RNASEL: variants seen among roughly 807,000 people sequenced by gnomAD.
RNASEL encodes 2-5A-dependent ribonuclease.
In RNASEL, 36 loss-of-function variants were observed where a neutral mutation model predicts 50.9. That is an observed-to-expected ratio of 0.71 (90% CI 0.54 to 0.93). The LOEUF (loss-of-function observed/expected upper bound fraction) is 0.93. Among genes scored for constraint, RNASEL ranks in the 40% least tolerant of loss-of-function variants. RNASEL has a pLI of 0.00. For missense variants in RNASEL, 860 were observed against 894.5 expected (o/e 0.96, Z 0.49); for synonymous variants, 335 against 335.6 (o/e 1.00, Z 0.02).
At chr1:182,575,629 C>T (rs770180598) in intron 6 of RNASEL, 51 bp from the exon 7 acceptor site, 2 of 1,605,616 alleles carry the variant, frequency 1.2e-6, no homozygotes, top group Admixed American at 1.7e-5. Flanking sequence ...TTATTCTTCC[C>T]CGCTTCACAG....
In RNASEL at chr1:182,583,984, A is replaced by T. The variant is rs1443331619; in HGVS notation, c.1566+97T>A. On this transcript the variant is annotated intron_variant, in intron 3 of 6. Transcript: ENST00000367559. Reference sequence around the variant, plus strand: ...AATAAACTCCCTTTCATATATACATATGTCCTACTAGTTCTGTCCCTCTAG... The same window carrying T: ...AATAAACTCCCTTTCATATATACATTTGTCCTACTAGTTCTGTCCCTCTAG... 2.9e-5 allele frequency: 25 copies of T among 861,744 alleles called. No homozygotes were observed. In the Admixed American group the frequency reaches 4.1e-4, roughly 14 times the overall value. The allele number at this position is 861,744 out of a possible 1,614,324, so 53.4% of individuals were successfully genotyped here. A position where few individuals can be genotyped will look rare whatever the true frequency, so the allele number is the denominator to read the frequency against.
intron 1 of RNASEL, among the ~76,000 whole-genome samples, 199 bp from the exon 2 acceptor site, chr1:182,587,169 T>A (rs1043426196): frequency 9.2e-5 from 14 of 152,080 alleles, no homozygotes; most frequent in African/African-American, 3.4e-4. Context: ...AAACAGCCAA[T>A]GTTAATATTT....
chr1:182,587,623 A>C (rs1482796522), intron 1 of RNASEL, among the ~76,000 whole-genome samples: 1 of 151,830 alleles, frequency 6.6e-6, no homozygotes, highest in Non-Finnish European at 1.5e-5. Flanking sequence ...TCCAAAAAAA[A>C]AAAAAAAAGA....
Position 182,586,861 on chromosome 1 carries a change from T to C in RNASEL, c.-55A>G, listed in dbSNP as rs2102372985. On this transcript the variant is annotated 5_prime_UTR_variant, in exon 2 of 7. Transcript: ENST00000367559. ...AGCCTTTTCCTTGAGAAAATGCAAATTTATCTCCTAGCACTTAATCAAAGA... is the reference window on the plus strand; with the variant it reads ...AGCCTTTTCCTTGAGAAAATGCAAACTTATCTCCTAGCACTTAATCAAAGA... 1 of 1,608,898 alleles carries C rather than the reference T, an allele frequency of 6.2e-7. No homozygotes were observed. The highest frequency in any genetic ancestry group is 2.2e-5 in the East Asian group (1 of 44,874).
chr1:182,576,424 G>A, intron 5 of RNASEL, 35 bp from the exon 6 acceptor site: 1 of 1,494,002 alleles, frequency 6.7e-7, no homozygotes, highest in Non-Finnish European at 9.2e-7. Flanking sequence ...AAATGTGGTA[G>A]CAACACAAAA....
chr1:182,588,780 T>C (rs558384191), intron 1 of RNASEL, among the ~76,000 whole-genome samples: 1 of 152,178 alleles, frequency 6.6e-6, no homozygotes, highest in East Asian at 1.9e-4. Flanking sequence ...TACAATCAGA[T>C]GTGAGGTGGG....
chr1:182,583,655 G>A (rs1421086896), intron 3 of RNASEL, among the ~76,000 whole-genome samples: 2 of 152,190 alleles, frequency 1.3e-5, no homozygotes, highest in Non-Finnish European at 2.9e-5. Flanking sequence ...AAATAAAGCA[G>A]GCAGAAAATG....
intron 4 of RNASEL, 102 bp downstream of exon 4, chr1:182,581,951 A>G (rs1043083329): frequency 2.0e-6 from 2 of 1,012,538 alleles, no homozygotes; most frequent in African/African-American, 1.6e-5. Flanking sequence ...CCAAGCTAAG[A>G]AAAAAGCCTG....
chr1:182,586,334 T>C lies in RNASEL; in HGVS notation c.473A>G (p.Lys158Arg). The change falls in exon 2 of 7, where the codon AAG (lysine) becomes AGG (arginine). Residue 158 changes from lysine (K) to arginine (R), a missense_variant. Lys to Arg is a conservative substitution (Grantham distance 26). Transcript: ENST00000367559. ...GANVNLRRKT[K>R]EDQERLRKGG... Reference sequence around the variant, plus strand: ...TTTCCTCAGCCGCTCTTGATCCTCCTTTGTCTTTCGCCTCAAATTCACATT... The same window carrying C: ...TTTCCTCAGCCGCTCTTGATCCTCCCTTGTCTTTCGCCTCAAATTCACATT... The C allele has an allele frequency of 6.2e-7, 1 of 1,613,478 alleles. No homozygotes were observed. The highest frequency in any genetic ancestry group is 8.5e-7 in the Non-Finnish European group (1 of 1,179,956).
intron 5 of RNASEL, among the ~76,000 whole-genome samples, chr1:182,580,759 T>G (rs1161126236): frequency 6.6e-6 from 1 of 152,252 alleles, no homozygotes; most frequent in Non-Finnish European, 1.5e-5. Context: ...CATAGTCTAT[T>G]TCCTCAGGCA....
chr1:182,581,469 CTTTCT>C, intron 4 of RNASEL, 112 bp from the exon 5 acceptor site: 4 of 319,210 alleles, frequency 1.3e-5, no homozygotes, highest in African/African-American at 1.0e-4. Context: ...CTTGGTTTTT[CTTTCT>C]TTTTTTTTTT....
rs745739936 is a variant in RNASEL, at chr1:182,586,611, C to T, written c.196G>A (p.Ala66Thr). ...EEGGWTPLHNAVQMSREDIVE... is the reference protein window; with the variant it reads ...EEGGWTPLHNTVQMSREDIVE... The stretch of plus-strand genomic sequence containing the variant: ...ATGTCCTCCCTGCTCATTTGTACTG[C>T]GTTATGCAGAGGTGTCCAGCCCCCT... The change falls in exon 2 of 7, where the codon GCA becomes ACA. Residue 66 changes from alanine (A) to threonine (T), a missense_variant. By Grantham distance (58) the Ala-to-Thr change is moderately conservative (BLOSUM62 0). Coordinates refer to ENST00000367559, the MANE Select transcript of RNASEL (RefSeq NM_021133.4). 105 of 1,611,026 alleles carry T rather than the reference C, an allele frequency of 6.5e-5. No individual in the cohort carries two copies. The highest frequency in any genetic ancestry group is 3.9e-4 in the South Asian group (35 of 90,832).
At position 182,576,642 on chromosome 1, in the gene RNASEL, G is replaced by A. The variant is rs137866858; in HGVS notation, c.1906-253C>T. On this transcript the variant is annotated intron_variant, in intron 5 of 6. Coordinates refer to ENST00000367559, the MANE Select transcript of RNASEL (RefSeq NM_021133.4). ...AGCACTTTCAGAGGCCGAAATGGGCGGATCACCTGAGGTCAGGAGATTGAG... is the reference window on the plus strand; with the variant it reads ...AGCACTTTCAGAGGCCGAAATGGGCAGATCACCTGAGGTCAGGAGATTGAG... 508 of 368,006 alleles carry A rather than the reference G, an allele frequency of 1.4e-3. 8 individuals carry two copies. In the East Asian group the frequency reaches 0.021, roughly 15 times the overall value. The allele number at this position is 368,006 out of a possible 1,614,324, so 22.8% of individuals were successfully genotyped here.
rs760601062 is a variant in RNASEL at position 182,584,176 on chromosome 1, A to G, written c.1481-10T>C. 23 of 1,595,124 alleles carry G rather than the reference A, an allele frequency of 1.4e-5. No homozygotes were observed. The East Asian group carries it at 4.9e-4, about 34-fold the overall frequency. ...GCAGCTTTCTTAGAATCTAAGGAAA[A>G]GTTTGCAGAGGCACATTGAAAATAC... On this transcript the variant is annotated splice_polypyrimidine_tract_variant and intron_variant, in intron 2 of 6. Coordinates refer to ENST00000367559, the MANE Select transcript of RNASEL (RefSeq NM_021133.4).
chr1:182,582,330 C>T lies in RNASEL; in HGVS notation c.1567-72G>A, dbSNP rs545920695. The T allele has an allele frequency of 7.6e-5, 117 of 1,546,314 alleles. 1 individual carries two copies. In the East Asian group the frequency reaches 1.6e-3, roughly 21 times the overall value. On this transcript the variant is annotated intron_variant, in intron 3 of 6. Coordinates refer to ENST00000367559, the MANE Select transcript of RNASEL (RefSeq NM_021133.4). Reference sequence around the variant, plus strand: ...GGGTAACCCTGGAAGGAGTGGTGCACGCTATTAGCAAACAAGATGATGGGA... The same window carrying T: ...GGGTAACCCTGGAAGGAGTGGTGCATGCTATTAGCAAACAAGATGATGGGA...
chr1:182,576,542 A>G (rs924093435), intron 5 of RNASEL, among the ~76,000 whole-genome samples, 153 bp from the exon 6 acceptor site: 1 of 152,182 alleles, frequency 6.6e-6, no homozygotes, highest in Non-Finnish European at 1.5e-5. Context: ...TTAAAAATGG[A>G]AGTAAATGCT....
chr1:182,588,812 G>A (rs543795677), intron 1 of RNASEL, among the ~76,000 whole-genome samples: 55 of 152,304 alleles, frequency 3.6e-4, no homozygotes, highest in African/African-American at 1.2e-3. Context: ...AAAGGAGCCG[G>A]GAAGGAGAGG....
chr1:182,588,617 A>C (rs903968451), intron 1 of RNASEL, among the ~76,000 whole-genome samples: 1 of 152,246 alleles, frequency 6.6e-6, no homozygotes, highest in Non-Finnish European at 1.5e-5. Flanking sequence ...TTCACGAAGC[A>C]ACCCTTTTTC....
chr1:182,576,139 A>G (rs1315398454), intron 6 of RNASEL, 117 bp downstream of exon 6: 2 of 1,025,944 alleles, frequency 1.9e-6, no homozygotes, highest in Non-Finnish European at 2.9e-6. Flanking sequence ...GGAAGGAATT[A>G]CTTTTCTTTC....
Sources: gnomAD v4.1 joint callset for allele counts (sites outside exome capture counted in the v4.1 genomes callset) on GRCh38, gnomAD v4.1.1 for gene constraint, MANE v1.5 for transcripts, NCBI Gene and HGNC (gene_info 2026-07-23, HGNC 2026-07-21) for gene names.